Variants in LMX1B observed in about 807,000 individuals in gnomAD.
LMX1B encodes LIM homeobox transcription factor 1-beta.
In LMX1B, 12 loss-of-function variants were observed where a neutral mutation model predicts 51.4. The ratio of observed to expected loss-of-function variants is 0.23; its 90% CI spans 0.15 to 0.38. The LOEUF is 0.38. Among genes scored for constraint, LMX1B ranks in the 10% least tolerant of loss-of-function variants. The pLI, the probability that LMX1B is intolerant of heterozygous loss-of-function variation, is 1.00. For missense variants in LMX1B, 445 were observed against 571.1 expected (o/e 0.78, Z 2.25); for synonymous variants, 237 against 235.4 (o/e 1.01, Z -0.06).
chr9:126,687,927 A>G (rs970570048), intron 2 of LMX1B, among the ~76,000 whole-genome samples: 7 of 151,966 alleles, frequency 4.6e-5, no homozygotes, highest in African/African-American at 1.7e-4. Flanking sequence ...GGTATCCCCA[A>G]CCCCTCCCAT....
rs942882934 is a variant in LMX1B at position 126,615,783 on chromosome 9, C to A, written c.326+214C>A. 6.6e-6 allele frequency among the ~76,000 whole-genome samples: 1 copy of A among 152,190 alleles called. No individual in the cohort carries two copies. The highest frequency in any genetic ancestry group is 2.4e-5 in the African/African-American group (1 of 41,464). On this transcript the variant is annotated intron_variant, in intron 2 of 7. Transcript: ENST00000373474. The surrounding 1 kb of genome is among the most constrained non-coding windows in gnomAD (Gnocchi z 6.0). ...GGGTCCTGGGAGCCTCCGGACGGCC[C>A]CCAGTTGCCATCCGTTGTCCCGGAA...
chr9:126,615,710 C>A lies in LMX1B; in HGVS notation c.326+141C>A. 1 of 746,722 alleles carries A rather than the reference C, an allele frequency of 1.3e-6. No individual in the cohort carries two copies. Among genetic ancestry groups the A allele is most frequent in the Non-Finnish European group, 2.0e-6 (1 of 499,546 alleles). 46.3% of individuals were successfully genotyped at this position (746,722 alleles called of 1,614,324 possible). ...GCAGCTCCAAGGGTTCCGAGAGCTG[C>A]GCGTCTTGGGGCTGGGGCGGACCAG... is the stretch of plus-strand genomic sequence containing the variant. On this transcript the variant is annotated intron_variant, in intron 2 of 7. Transcript: ENST00000373474. This position sits in a 1 kb window ranked among gnomAD's most constrained non-coding sequence, Gnocchi z 6.0.
chr9:126,632,089 T>C (rs1015631342), intron 2 of LMX1B, among the ~76,000 whole-genome samples: 2 of 152,216 alleles, frequency 1.3e-5, no homozygotes, highest in Non-Finnish European at 2.9e-5. Context: ...ACAAATTCCT[T>C]AGCTTCTCAG....
intron 2 of LMX1B, among the ~76,000 whole-genome samples, chr9:126,621,872 A>G (rs560601830): frequency 6.6e-6 from 1 of 152,200 alleles, no homozygotes; most frequent in East Asian, 1.9e-4. Flanking sequence ...GTGGTGGGGC[A>G]TAAGGGGCCA....
intron 2 of LMX1B, among the ~76,000 whole-genome samples, chr9:126,665,299 T>G (rs1836321497): frequency 6.6e-6 from 1 of 152,144 alleles, no homozygotes; most frequent in South Asian, 2.1e-4. Context: ...GGCCTCCCCC[T>G]GGAGCCAGGG....
chr9:126,696,005 T>C lies in LMX1B; in HGVS notation c.1051+2T>C. 6.3e-7 allele frequency: 1 copy of C among 1,593,070 alleles called. No homozygotes were observed. The highest frequency in any genetic ancestry group is 8.5e-7 in the Non-Finnish European group (1 of 1,171,648). On this transcript the variant is annotated splice_donor_variant, in intron 7 of 7. Transcript: ENST00000373474. LOFTEE classifies it high-confidence loss of function. ...CAGGTGACCACATGAACCCCTATGGTAAGCCGCCCTACCCCCACCCGCCCG... is the reference window on the plus strand; with the variant it reads ...CAGGTGACCACATGAACCCCTATGGCAAGCCGCCCTACCCCCACCCGCCCG...
At chr9:126,638,233 C>A (rs1054040007) in intron 2 of LMX1B, among the ~76,000 whole-genome samples, 1 of 152,164 alleles carries the variant, frequency 6.6e-6, no homozygotes, top group East Asian at 1.9e-4. Context: ...GGTGGGGGTG[C>A]CCTGCTGCTG....
intron 2 of LMX1B, among the ~76,000 whole-genome samples, chr9:126,633,099 C>T (rs1279848472): frequency 1.3e-5 from 2 of 152,212 alleles, no homozygotes; most frequent in Non-Finnish European, 2.9e-5. Flanking sequence ...GGAAAACTCT[C>T]CCTACTCCCA....
At chr9:126,672,935 G>A (rs555565255) in intron 2 of LMX1B, among the ~76,000 whole-genome samples, 8 of 152,330 alleles carry the variant, frequency 5.3e-5, no homozygotes, top group African/African-American at 1.9e-4. Flanking sequence ...ACATGACACT[G>A]GCACAGGACT....
At position 126,671,808 on chromosome 9, in the gene LMX1B, C is replaced by T. The variant is rs900456294; in HGVS notation, c.327-19028C>T. Among the ~76,000 whole-genome samples the T allele has an allele frequency of 6.6e-6, 1 of 152,164 alleles. No individual in the cohort carries two copies. The highest frequency in any genetic ancestry group is 2.4e-5 in the African/African-American group (1 of 41,438). On this transcript the variant is annotated intron_variant, in intron 2 of 7. Coordinates refer to ENST00000373474, the MANE Select transcript of LMX1B (RefSeq NM_001174147.2). The surrounding 1 kb of genome is among the most constrained non-coding windows in gnomAD (Gnocchi z 4.4). ...AGCTCCCTCCAGGCCAGGGCAGCGGCCCCCCACAGCCCAGGCCCCCAGCGG... is the reference window on the plus strand; with the variant it reads ...AGCTCCCTCCAGGCCAGGGCAGCGGTCCCCCACAGCCCAGGCCCCCAGCGG...
chr9:126,641,570 C>A lies in LMX1B; in HGVS notation c.326+26001C>A, dbSNP rs564212370. ...CTGGGCTGGGTTAGGCGACCACCCC[C>A]ACCCAGCTGGGTTCCTCCCTGTCTT... is the stretch of plus-strand genomic sequence containing the variant. On this transcript the variant is annotated intron_variant, in intron 2 of 7. Coordinates refer to ENST00000373474, the MANE Select transcript of LMX1B (RefSeq NM_001174147.2). This position sits in a 1 kb window ranked among gnomAD's most constrained non-coding sequence, Gnocchi z 4.1. Among the ~76,000 whole-genome samples the A allele has an allele frequency of 6.6e-6, 1 of 152,172 alleles. No homozygotes were observed. The highest frequency in any genetic ancestry group is 1.5e-5 in the Non-Finnish European group (1 of 68,030).
intron 2 of LMX1B, among the ~76,000 whole-genome samples, chr9:126,643,140 G>T (rs990588501): frequency 6.6e-6 from 1 of 152,178 alleles, no homozygotes; most frequent in Non-Finnish European, 1.5e-5. Context: ...AGGCTGACTT[G>T]TGTGCACAGC....
chr9:126,677,041 G>C lies in LMX1B; in HGVS notation c.327-13795G>C, dbSNP rs1350934464. The stretch of plus-strand genomic sequence containing the variant: ...AAGCGGCTCAGGCAGGCAGCGGGCG[G>C]CTGGGGCGGGGCATGGGGCGATCAG... On this transcript the variant is annotated intron_variant, in intron 2 of 7. Coordinates refer to ENST00000373474, the MANE Select transcript of LMX1B (RefSeq NM_001174147.2). This position sits in a 1 kb window ranked among gnomAD's most constrained non-coding sequence, Gnocchi z 5.0. 6.6e-6 allele frequency among the ~76,000 whole-genome samples: 1 copy of C among 152,204 alleles called. No individual in the cohort carries two copies. Among genetic ancestry groups the C allele is most frequent in the Non-Finnish European group, 1.5e-5 (1 of 68,024 alleles).
chr9:126,636,058 T>C (rs72616660), intron 2 of LMX1B, among the ~76,000 whole-genome samples: 2 of 110,418 alleles, frequency 1.8e-5, no homozygotes, highest in Non-Finnish European at 3.5e-5. Flanking sequence ...CCTGGAGCCC[T>C]CCCCTCTATG....
intron 2 of LMX1B, among the ~76,000 whole-genome samples, chr9:126,638,511 G>A (rs1835754673): frequency 1.3e-5 from 2 of 152,238 alleles, no homozygotes; most frequent in Admixed American, 1.3e-4. Context: ...CTCACAAAGG[G>A]AGAGGAGGGA....
In LMX1B at chr9:126,699,249, G is replaced by A. The variant is rs900096697; in HGVS notation, c.*2798G>A. The A allele has an allele frequency of 2.0e-5, 3 of 152,176 alleles. No individual in the cohort carries two copies. The highest frequency in any genetic ancestry group is 4.4e-5 in the Non-Finnish European group (3 of 68,068). 9.4% of individuals were successfully genotyped at this position (152,176 alleles called of 1,614,324 possible). A position where few individuals can be genotyped will look rare whatever the true frequency, so the allele number is the denominator to read the frequency against. ...AGGGAAAGAGGCCTGTCCAAGGTCC[G>A]GGTTAGTGACAGAGCTGAGCTGAGA... is the stretch of plus-strand genomic sequence containing the variant. On this transcript the variant is annotated 3_prime_UTR_variant, in exon 8 of 8. Transcript: ENST00000373474.
intron 2 of LMX1B, among the ~76,000 whole-genome samples, chr9:126,623,189 T>C (rs1209617979): frequency 6.6e-5 from 10 of 152,182 alleles, no homozygotes; most frequent in Admixed American, 6.5e-4. Flanking sequence ...CCTGTGTTTT[T>C]ATTTTTATTT....
At chr9:126,640,440 C>T (rs1349547225) in intron 2 of LMX1B, among the ~76,000 whole-genome samples, 8 of 152,184 alleles carry the variant, frequency 5.3e-5, no homozygotes, top group Non-Finnish European at 8.8e-5. Flanking sequence ...TTTTTGTGAC[C>T]TGTATCTGAG....
chr9:126,643,209 T>C (rs1266023039), intron 2 of LMX1B, among the ~76,000 whole-genome samples: 1 of 152,074 alleles, frequency 6.6e-6, no homozygotes, highest in African/African-American at 2.4e-5. Flanking sequence ...CAGCTCTCAG[T>C]AACCTGCCTG....
Sources: allele counts gnomAD v4.1 joint callset (sites outside exome capture counted in the v4.1 genomes callset), GRCh38; gene constraint gnomAD v4.1.1; non-coding constraint Gnocchi (gnomAD v3.1); transcripts MANE v1.5; gene names NCBI Gene and HGNC (gene_info 2026-07-23, HGNC 2026-07-21).